UNC13A: variants seen among roughly 807,000 people sequenced by gnomAD.
The protein encoded by UNC13A is unc-13 homolog A.
Under a neutral mutation model 219.7 loss-of-function variants are expected in UNC13A, and 61 were observed. The ratio of observed to expected loss-of-function variants is 0.28; its 90% CI spans 0.23 to 0.34. The LOEUF is 0.34. UNC13A is among the 10% of genes least tolerant of loss of function. The probability of loss-of-function intolerance (pLI) is 1.00; values close to 1 mark genes in which losing one functional copy is unlikely to be tolerated. For synonymous variants in UNC13A, 920 were observed against 884.6 expected, an observed-to-expected ratio of 1.04 and a Z score of -0.71; for missense variants, 1,476 against 2,270.3, an observed-to-expected ratio of 0.65 and a Z score of 7.11.
chr19:17,617,559 T>C (rs1448547865), intron 41 of UNC13A, 143 bp downstream of exon 41: 3 of 1,255,020 alleles, frequency 2.4e-6, no homozygotes, highest in East Asian at 2.3e-5. Context: ...TGATCGCTCA[T>C]TGGTCCCTGG....
chr19:17,664,537 T>C (rs769251165), intron 7 of UNC13A, among the ~76,000 whole-genome samples: 6 of 152,298 alleles, frequency 3.9e-5, no homozygotes, highest in Non-Finnish European at 1.5e-5. Context: ...GGGTAAATAC[T>C]GAGTGGTGGT....
chr19:17,633,266 G>GC (rs71162163), intron 26 of UNC13A, 73 bp from the exon 27 acceptor site: 446,984 of 1,380,430 alleles, frequency 0.32, 76,396 homozygotes, highest in South Asian at 0.36. Flanking sequence ...GTCCTTCCCT[G>GC]CCCCACAGAG....
At chr19:17,626,887 C>T in intron 33 of UNC13A, 102 bp from the exon 34 acceptor site, 1 of 1,440,716 alleles carries the variant, frequency 6.9e-7, no homozygotes, top group South Asian at 1.4e-5. Context: ...CATCACAGCA[C>T]ATAACCGAGC....
At chr19:17,653,136 G>A (rs1033322287) in intron 11 of UNC13A, among the ~76,000 whole-genome samples, 22 of 151,988 alleles carry the variant, frequency 1.4e-4, no homozygotes, top group Non-Finnish European at 1.0e-4. Context: ...GGGAGGGGTG[G>A]CCCTATGAGG....
chr19:17,636,207 C>A, intron 25 of UNC13A, 50 bp from the exon 26 acceptor site: 1 of 1,534,134 alleles, frequency 6.5e-7, no homozygotes, highest in Non-Finnish European at 8.8e-7. Context: ...GAGGTTGGTG[C>A]CTCGGTCAGT....
intron 1 of UNC13A, among the ~76,000 whole-genome samples, chr19:17,687,680 C>G (rs1472075495): frequency 6.6e-6 from 1 of 152,074 alleles, no homozygotes; most frequent in East Asian, 1.9e-4. Context: ...CTACCTATAT[C>G]TTACATCCCC....
chr19:17,681,069 CT>C (rs71929988), intron 1 of UNC13A, among the ~76,000 whole-genome samples: 22,854 of 95,698 alleles, frequency 0.24, 2,124 homozygotes, highest in Non-Finnish European at 0.27. Flanking sequence ...TTGGCTATTC[CT>C]TTTTTTTTTT....
intron 1 of UNC13A, among the ~76,000 whole-genome samples, chr19:17,684,605 G>T (rs2080075893): frequency 6.6e-6 from 1 of 152,206 alleles, no homozygotes; most frequent in Non-Finnish European, 1.5e-5. Context: ...AATAAATGAA[G>T]CGGGCAGAGA....
intron 7 of UNC13A, among the ~76,000 whole-genome samples, chr19:17,664,939 C>T (rs1318715943): frequency 1.3e-5 from 2 of 152,162 alleles, no homozygotes; most frequent in Admixed American, 1.3e-4. Context: ...GTGGCTCACA[C>T]CTGTAATCCC....
chr19:17,652,115 C>CATTT (rs58443609), intron 12 of UNC13A, among the ~76,000 whole-genome samples: 3 of 151,160 alleles, frequency 2.0e-5, no homozygotes, highest in Non-Finnish European at 2.9e-5. Context: ...CTTTATCTTA[C>CATTT]ATTTATTTAT....
At chr19:17,644,454 A>G (rs1384571399) in intron 19 of UNC13A, among the ~76,000 whole-genome samples, 1 of 148,328 alleles carries the variant, frequency 6.7e-6, no homozygotes, top group African/African-American at 2.5e-5. Context: ...CACCCAACCA[A>G]TATGTTGGGA....
At chr19:17,607,452 G>C in intron 43 of UNC13A, among the ~76,000 whole-genome samples, 1 of 124,310 alleles carries the variant, frequency 8.0e-6, no homozygotes, top group Non-Finnish European at 1.7e-5. Flanking sequence ...TAGTACAGAT[G>C]GGGGTGGCGG....
At chr19:17,662,575 A>G (rs2079569030) in intron 8 of UNC13A, among the ~76,000 whole-genome samples, 1 of 152,152 alleles carries the variant, frequency 6.6e-6, no homozygotes, top group South Asian at 2.1e-4. Context: ...CTTCCATGAA[A>G]CTGGTCCCTT....
chr19:17,637,329 G>A (rs1006608431), intron 25 of UNC13A, among the ~76,000 whole-genome samples: 2 of 137,748 alleles, frequency 1.5e-5, no homozygotes, highest in African/African-American at 2.8e-5. Context: ...ACGGAGTCTC[G>A]CTCTGTCACC....
chr19:17,662,212 A>G (rs1019964837), intron 8 of UNC13A, among the ~76,000 whole-genome samples: 4 of 151,850 alleles, frequency 2.6e-5, no homozygotes, highest in African/African-American at 9.7e-5. Context: ...ACTGTACTCC[A>G]TCCAGCCTGG....
chr19:17,630,046 T>C, intron 30 of UNC13A, 99 bp downstream of exon 30: 1 of 1,359,098 alleles, frequency 7.4e-7, no homozygotes. Flanking sequence ...CATCACCAAC[T>C]CCAACCTCAA....
rs771161074 is a variant in UNC13A, at chr19:17,630,295, G to C, written c.3526-7C>G. The C allele has an allele frequency of 4.5e-6, 7 of 1,560,770 alleles. No individual in the cohort carries two copies. The East Asian group carries it at 1.4e-4, about 32-fold the overall frequency. On this transcript the variant is annotated splice_region_variant and splice_polypyrimidine_tract_variant and intron_variant, in intron 29 of 43. Coordinates refer to ENST00000519716, the MANE Select transcript of UNC13A (RefSeq NM_001080421.3). Reference sequence around the variant, plus strand: ...GCTCTGAGGTCTGCTGGAACTGCAGGGGGAAGGAGGCCAAGAGGAAGGAGG... The same window carrying C: ...GCTCTGAGGTCTGCTGGAACTGCAGCGGGAAGGAGGCCAAGAGGAAGGAGG...
rs929734612 is a variant in UNC13A, at chr19:17,640,385, G to A, written c.2787+126C>T. On this transcript the variant is annotated intron_variant, in intron 22 of 43. Transcript: ENST00000519716. The stretch of plus-strand genomic sequence containing the variant: ...GAGGAATAAATGGAGGCTCAGAGAC[G>A]GGAAGTGACTGGTGGAAAGTCACAC... 3.4e-5 allele frequency: 43 copies of A among 1,273,252 alleles called. No individual in the cohort carries two copies. In the East Asian group the frequency reaches 5.2e-4, roughly 15 times the overall value. 78.9% of individuals were successfully genotyped at this position (1,273,252 alleles called of 1,614,324 possible). A position where few individuals can be genotyped will look rare whatever the true frequency, so the allele number is the denominator to read the frequency against.
intron 38 of UNC13A, 49 bp downstream of exon 38, chr19:17,620,643 TG>T (rs770400370): frequency 4.7e-5 from 53 of 1,121,968 alleles, no homozygotes; most frequent in South Asian, 4.5e-4. Context: ...AGGGGTGGGG[TG>T]GGGGGGAGTG....
Sources: allele counts gnomAD v4.1 joint callset (sites outside exome capture counted in the v4.1 genomes callset), GRCh38; gene constraint gnomAD v4.1.1; transcripts MANE v1.5; gene names NCBI Gene and HGNC (gene_info 2026-07-23, HGNC 2026-07-21).